The following HIVEP3 variants were observed in gnomAD, a reference collection of about 807,000 sequenced individuals.
The protein encoded by HIVEP3 is transcription factor HIVEP3.
Under a neutral mutation model 152.8 loss-of-function variants are expected in HIVEP3, and 49 were observed. That is an observed-to-expected ratio of 0.32 (90% CI 0.26 to 0.41). HIVEP3 has a LOEUF of 0.41. Among genes scored for constraint, HIVEP3 ranks in the 10% least tolerant of loss-of-function variants. HIVEP3 has a pLI of 1.00. For missense variants in HIVEP3, 2,790 were observed against 3,103.3 expected (o/e 0.90, Z 2.40); for synonymous variants, 1,269 against 1,289.0 (o/e 0.98, Z 0.33).
chr1:41,771,673 T>C (rs1648380818), intron 1 of HIVEP3, among the ~76,000 whole-genome samples: 1 of 152,030 alleles, frequency 6.6e-6, no homozygotes, highest in African/African-American at 2.4e-5. Context: ...TTTTTTTGTT[T>C]TGTTTTGTTT....
chr1:41,894,345 A>G (rs1408466294), intron 1 of HIVEP3, among the ~76,000 whole-genome samples: 4 of 152,180 alleles, frequency 2.6e-5, no homozygotes, highest in Admixed American at 6.5e-5. Flanking sequence ...ACATTCAGCA[A>G]TCTGGAGCCA....
chr1:41,986,506 T>A lies in HIVEP3; in HGVS notation n.119+49301A>T, dbSNP rs975289264. 3.9e-4 allele frequency among the ~76,000 whole-genome samples: 59 copies of A among 151,412 alleles called. 1 individual carries two copies. The highest frequency in any genetic ancestry group is 1.4e-3 in the African/African-American group (58 of 41,252). ...CCCAGGCCAGACTGCAGTGGCGCTA[T>A]GTCGGCTCACTGCAAGCTCCGCTTC... On this transcript the variant is annotated intron_variant and non_coding_transcript_variant, in intron 1 of 3. Transcript: ENST00000489103.
chr1:41,623,740 G>A (rs755848388), intron 3 of HIVEP3, among the ~76,000 whole-genome samples: 2 of 152,118 alleles, frequency 1.3e-5, no homozygotes, highest in Non-Finnish European at 2.9e-5. Context: ...CCAACCCCAC[G>A]CCGGTCTCTC....
intron 2 of HIVEP3, among the ~76,000 whole-genome samples, chr1:41,645,375 GC>G (rs989536087): frequency 2.6e-5 from 4 of 152,160 alleles, no homozygotes; most frequent in African/African-American, 9.7e-5. Context: ...GCAATTCTAG[GC>G]CCTTCTTCCA....
At chr1:41,699,391 C>T (rs1646326890) in intron 2 of HIVEP3, among the ~76,000 whole-genome samples, 1 of 152,238 alleles carries the variant, frequency 6.6e-6, no homozygotes, top group African/African-American at 2.4e-5. Context: ...GTTCTGAGTT[C>T]TACCAACGGA....
At chr1:41,957,874 A>C (rs1242050231) in intron 1 of HIVEP3, among the ~76,000 whole-genome samples, 1 of 152,142 alleles carries the variant, frequency 6.6e-6, no homozygotes, top group Admixed American at 6.5e-5. Context: ...AAAAGCTAAA[A>C]CTGATCTACA....
chr1:41,837,639 T>C (rs1328884423), intron 1 of HIVEP3, among the ~76,000 whole-genome samples: 1 of 152,206 alleles, frequency 6.6e-6, no homozygotes, highest in Non-Finnish European at 1.5e-5. Flanking sequence ...TCTTTTGTCT[T>C]CTTCATAACC....
At chr1:41,953,330 A>G (rs762312447) in intron 1 of HIVEP3, among the ~76,000 whole-genome samples, 16 of 152,176 alleles carry the variant, frequency 1.1e-4, no homozygotes, top group Admixed American at 2.0e-4. Flanking sequence ...GTGGCCTGCT[A>G]GCTGTGTGAC....
chr1:41,725,344 G>C (rs1646737070), intron 1 of HIVEP3, among the ~76,000 whole-genome samples: 1 of 152,164 alleles, frequency 6.6e-6, no homozygotes, highest in Non-Finnish European at 1.5e-5. Flanking sequence ...GGGAATGATG[G>C]TTCCTTACAA....
chr1:41,880,224 G>C (rs750818775), intron 1 of HIVEP3, among the ~76,000 whole-genome samples: 1 of 152,004 alleles, frequency 6.6e-6, no homozygotes, highest in Non-Finnish European at 1.5e-5. Flanking sequence ...TGCCCAAGTA[G>C]AGATGGGGGT....
chr1:41,897,028 G>A (rs1399513471), intron 1 of HIVEP3, among the ~76,000 whole-genome samples: 10 of 152,168 alleles, frequency 6.6e-5, no homozygotes, highest in Non-Finnish European at 1.3e-4. Flanking sequence ...GCTTGCTAAC[G>A]AACTATAGGG....
At chr1:41,561,540 G>A (rs1237062470) in intron 5 of HIVEP3, among the ~76,000 whole-genome samples, 1 of 151,644 alleles carries the variant, frequency 6.6e-6, no homozygotes, top group African/African-American at 2.4e-5. Context: ...TTTGAGACAG[G>A]GTATCACTGT....
At position 41,592,739 on chromosome 1, in the gene HIVEP3, C is replaced by A. The variant is rs573084179; in HGVS notation, c.-521-7421G>T. On this transcript the variant is annotated intron_variant, in intron 3 of 8. Coordinates refer to ENST00000372583, the MANE Select transcript of HIVEP3 (RefSeq NM_024503.5). ...CAACCTGCAATTGTTGGTGGAAGCC[C>A]TGCCTTTTCTGCAGATGCTTGGCTC... Among the ~76,000 whole-genome samples, 3 of 152,316 alleles carry A rather than the reference C, an allele frequency of 2.0e-5. No homozygotes were observed. The East Asian group carries it at 5.8e-4, about 29-fold the overall frequency.
intron 2 of HIVEP3, among the ~76,000 whole-genome samples, chr1:41,645,468 G>A (rs977556020): frequency 3.3e-5 from 5 of 152,122 alleles, no homozygotes; most frequent in Non-Finnish European, 5.9e-5. Context: ...ATTTTACTGG[G>A]AACTCCTTAA....
At chr1:41,762,563 T>G (rs185967346) in intron 1 of HIVEP3, among the ~76,000 whole-genome samples, 169 of 152,308 alleles carry the variant, frequency 1.1e-3, no homozygotes, top group Admixed American at 2.7e-3. Flanking sequence ...CGCATTCCCC[T>G]CATCTGGAGG....
At chr1:41,745,423 A>G (rs1647056825) in intron 1 of HIVEP3, among the ~76,000 whole-genome samples, 1 of 152,206 alleles carries the variant, frequency 6.6e-6, no homozygotes, top group Non-Finnish European at 1.5e-5. Context: ...CTGCTTTGCA[A>G]TCTATGCATG....
chr1:42,012,388 C>T (rs1645497727), intron 1 of HIVEP3, among the ~76,000 whole-genome samples: 1 of 151,402 alleles, frequency 6.6e-6, no homozygotes, highest in African/African-American at 2.4e-5. Flanking sequence ...GGTTTAGATG[C>T]GTCATGATGG....
chr1:41,808,930 A>C (rs1650790149), intron 1 of HIVEP3, among the ~76,000 whole-genome samples: 1 of 152,260 alleles, frequency 6.6e-6, no homozygotes, highest in Non-Finnish European at 1.5e-5. Flanking sequence ...AATTCTTATA[A>C]TAAACTTAAG....
chr1:41,774,045 C>G (rs1648538225), intron 1 of HIVEP3, among the ~76,000 whole-genome samples: 1 of 152,192 alleles, frequency 6.6e-6, no homozygotes, highest in Non-Finnish European at 1.5e-5. Flanking sequence ...ATGCTTCTGG[C>G]TTTGGACTTG....
Sources: gnomAD v4.1 joint callset for allele counts (sites outside exome capture counted in the v4.1 genomes callset) on GRCh38, gnomAD v4.1.1 for gene constraint, MANE v1.5 for transcripts, NCBI Gene and HGNC (gene_info 2026-07-23, HGNC 2026-07-21) for gene names.